The following MAP3K5 variants were observed in gnomAD, a reference collection of about 807,000 sequenced individuals.
MAP3K5 encodes mitogen-activated protein kinase kinase kinase 5.
A neutral mutation model predicts 158.7 loss-of-function variants in MAP3K5; 56 were observed. The observed-to-expected ratio is 0.35, with a 90% CI of 0.28 to 0.44. The LOEUF is 0.44. MAP3K5 is among the 20% of genes least tolerant of loss of function. The pLI, the probability that MAP3K5 is intolerant of heterozygous loss-of-function variation, is 1.00. For missense variants in MAP3K5, 1,294 were observed against 1,674.8 expected, an observed-to-expected ratio of 0.77 and a Z score of 3.97; for synonymous variants, 579 against 601.7, an observed-to-expected ratio of 0.96 and a Z score of 0.55.
intron 1 of MAP3K5, among the ~76,000 whole-genome samples, chr6:136,769,683 C>G (rs1364514898): frequency 6.8e-6 from 1 of 146,556 alleles, no homozygotes; most frequent in Admixed American, 7.0e-5. Context: ...TCCCTAACGT[C>G]TGGCACTGGC....
chr6:136,740,093 G>A (rs1782647438), intron 1 of MAP3K5, among the ~76,000 whole-genome samples: 1 of 152,190 alleles, frequency 6.6e-6, no homozygotes. Flanking sequence ...AAATCTCCCA[G>A]CCAAGGTAAT....
chr6:136,597,689 T>C (rs756678399), intron 21 of MAP3K5, among the ~76,000 whole-genome samples: 2 of 152,228 alleles, frequency 1.3e-5, no homozygotes, highest in African/African-American at 4.8e-5. Context: ...TGGGACCAAC[T>C]GAGGCATAGC....
chr6:136,590,204 G>A (rs1775322277), intron 23 of MAP3K5, among the ~76,000 whole-genome samples: 1 of 152,090 alleles, frequency 6.6e-6, no homozygotes, highest in Non-Finnish European at 1.5e-5. Context: ...AGATGCAGAT[G>A]GGCCACTGGA....
Position 136,613,168 on chromosome 6 carries a change from T to C in MAP3K5, c.2367A>G (p.Glu789=), listed in dbSNP as rs766801747. Residue 789 remains glutamate, a synonymous_variant, in exon 17 of 30, where the codon GAA becomes GAG. Transcript: ENST00000359015. This position sits in a 1 kb window ranked among gnomAD's most constrained non-coding sequence, Gnocchi z 4.0. ...TIGFYTKQIL[E]GLKYLHDNQI... is the part of the protein sequence containing the mutation. ...GATTGTCATGGAGATATTTTAATCC[T>C]TCCAGTATTTGCTTTGTATAAAAGC... The C allele has an allele frequency of 1.5e-5, 24 of 1,613,356 alleles. No homozygotes were observed. The East Asian group carries it at 5.1e-4, about 34-fold the overall frequency.
rs1230751811 is a variant in MAP3K5, at chr6:136,613,452, GT to G, written c.2279-197del. On this transcript the variant is annotated intron_variant, in intron 16 of 29. Transcript: ENST00000359015. This position sits in a 1 kb window ranked among gnomAD's most constrained non-coding sequence, Gnocchi z 4.0. ...GATGCTTGTAATCAAATATGTCTAA[GT>G]AAAAGGCCAATGTCAATTGCCAACT... 6.6e-6 allele frequency among the ~76,000 whole-genome samples: 1 copy of G among 152,166 alleles called. No homozygotes were observed. Among genetic ancestry groups the G allele is most frequent in the Non-Finnish European group, 1.5e-5 (1 of 68,034 alleles).
At chr6:136,614,056 G>C (rs1414748904) in intron 16 of MAP3K5, 103 bp downstream of exon 16, 3 of 1,323,916 alleles carry the variant, frequency 2.3e-6, no homozygotes, top group South Asian at 1.5e-5. Context: ...TTTTCTTTCA[G>C]TTTAGACAGA....
chr6:136,586,248 G>C, intron 23 of MAP3K5, among the ~76,000 whole-genome samples: 1 of 152,200 alleles, frequency 6.6e-6, no homozygotes, highest in East Asian at 1.9e-4. Flanking sequence ...TGTTCAAGAA[G>C]AAAAATGTGA....
chr6:136,673,684 G>A (rs531025657), intron 7 of MAP3K5, among the ~76,000 whole-genome samples: 15 of 147,658 alleles, frequency 1.0e-4, no homozygotes, highest in African/African-American at 3.8e-4. Flanking sequence ...GTCAATAGAA[G>A]GTATCTAAAC....
chr6:136,705,077 T>C (rs756261972), intron 3 of MAP3K5, 33 bp downstream of exon 3: 2 of 1,060,020 alleles, frequency 1.9e-6, no homozygotes, highest in Non-Finnish European at 2.7e-6. Context: ...GAAAATATTT[T>C]TAAAACTCTG....
rs761540153 is a variant in MAP3K5 at position 136,669,341 on chromosome 6, C to T, written c.1308G>A (p.Ala436=). The T allele has an allele frequency of 4.1e-5, 66 of 1,613,614 alleles. No individual in the cohort carries two copies. The highest frequency in any genetic ancestry group is 2.1e-4 in the South Asian group (19 of 91,046). ...EPTLQSGINY[A]VLLLAAGHQF... is the part of the protein sequence containing the mutation. ...GGTGTCCAGCTGCCAGGAGGAGGACCGCATAATTAATTCCTGACTGTAGTG... is the reference window on the plus strand; with the variant it reads ...GGTGTCCAGCTGCCAGGAGGAGGACTGCATAATTAATTCCTGACTGTAGTG... The change falls in exon 8 of 30, where the codon GCG becomes GCA. Residue 436 remains alanine (A), a synonymous_variant. Coordinates refer to ENST00000359015, the MANE Select transcript of MAP3K5 (RefSeq NM_005923.4).
At chr6:136,644,280 A>G (rs1310047235) in intron 11 of MAP3K5, among the ~76,000 whole-genome samples, 1 of 152,186 alleles carries the variant, frequency 6.6e-6, no homozygotes, top group East Asian at 1.9e-4. Context: ...AAGCCCTGAG[A>G]TGGAAGGTGG....
chr6:136,728,528 T>C (rs1049138853), intron 1 of MAP3K5, among the ~76,000 whole-genome samples: 1 of 152,210 alleles, frequency 6.6e-6, no homozygotes, highest in Non-Finnish European at 1.5e-5. Context: ...CAATCCCTAC[T>C]ATAAATGACT....
At chr6:136,692,364 T>C (rs1435320165) in intron 7 of MAP3K5, among the ~76,000 whole-genome samples, 1 of 152,216 alleles carries the variant, frequency 6.6e-6, no homozygotes, top group Non-Finnish European at 1.5e-5. Context: ...TCCCACTCAA[T>C]GTCCAGGTCC....
chr6:136,623,011 C>G, intron 14 of MAP3K5, 30 bp from the exon 15 acceptor site: 1 of 1,607,776 alleles, frequency 6.2e-7, no homozygotes, highest in Non-Finnish European at 8.5e-7. Context: ...GAGAAAAGAT[C>G]AAAACATTAG....
intron 25 of MAP3K5, among the ~76,000 whole-genome samples, chr6:136,573,782 AG>A (rs1413112486): frequency 6.6e-6 from 1 of 152,208 alleles, no homozygotes; most frequent in Non-Finnish European, 1.5e-5. Flanking sequence ...CTGGGACTCA[AG>A]GGGGCCTTAA....
intron 2 of MAP3K5, among the ~76,000 whole-genome samples, chr6:136,711,133 T>G (rs1781289767): frequency 6.6e-6 from 1 of 151,970 alleles, no homozygotes; most frequent in African/African-American, 2.4e-5. Flanking sequence ...AAAGTACTTT[T>G]GTGTTTACAT....
rs1381502656 is a variant in MAP3K5 at position 136,791,786 on chromosome 6, G to C, written c.372C>G (p.Gly124=). The change falls in exon 1 of 30, where the codon GGC becomes GGG. Residue 124 remains glycine (G), a synonymous_variant. Transcript: ENST00000359015. ...CAAAATGCAGGGTTTCCAGGGTGGC[G>C]CCCACTGTCTCGCACGCCTCCCGCA... ...QSLREACETV[G]ATLETLHFGK... 5 of 1,613,508 alleles carry C rather than the reference G, an allele frequency of 3.1e-6. No homozygotes were observed. The highest frequency in any genetic ancestry group is 2.7e-5 in the African/African-American group (2 of 74,938).
intron 1 of MAP3K5, among the ~76,000 whole-genome samples, chr6:136,767,651 G>A (rs1460019104): frequency 6.6e-6 from 1 of 152,166 alleles, no homozygotes; most frequent in East Asian, 1.9e-4. Context: ...TTAAAAATAG[G>A]AGGAAGATCT....
chr6:136,564,927 T>A (rs1774032505), intron 26 of MAP3K5, among the ~76,000 whole-genome samples: 1 of 152,218 alleles, frequency 6.6e-6, no homozygotes, highest in Non-Finnish European at 1.5e-5. Context: ...TCCAGCTCTT[T>A]CTGCACACTT....
Sources: gnomAD v4.1 joint callset for allele counts (sites outside exome capture counted in the v4.1 genomes callset) on GRCh38, gnomAD v4.1.1 for gene constraint, Gnocchi (gnomAD v3.1) non-coding constraint, MANE v1.5 for transcripts, NCBI Gene and HGNC (gene_info 2026-07-23, HGNC 2026-07-21) for gene names.